PLCE1: variants seen among roughly 807,000 people sequenced by gnomAD.
PLCE1 encodes the protein phospholipase C epsilon 1, also known as 1-phosphatidylinositol 4,5-bisphosphate phosphodiesterase epsilon-1.
PLCE1 carries 119 observed loss-of-function variants against 242.8 expected under a neutral mutation model. The ratio of observed to expected loss-of-function variants is 0.49; its 90% CI spans 0.42 to 0.57. The LOEUF is 0.57. Ranked by LOEUF, PLCE1 falls within the 20% of genes least tolerant of loss-of-function variation. The pLI, the probability that PLCE1 is intolerant of heterozygous loss-of-function variation, is 0.00. For synonymous variants in PLCE1, 945 were observed against 1,017.4 expected (o/e 0.93, Z 1.35); for missense variants, 2,441 against 2,788.8 (o/e 0.88, Z 2.81).
At chr10:94,054,812 A>G (rs12356494) in intron 2 of PLCE1, among the ~76,000 whole-genome samples, 57,396 of 151,808 alleles carry the variant, frequency 0.38, 13,104 homozygotes, top group African/African-American at 0.65. Context: ...GGAGATCGAG[A>G]CCATCCTGGC....
At chr10:94,253,553 C>T (rs1426504748) in intron 9 of PLCE1, among the ~76,000 whole-genome samples, 1 of 152,098 alleles carries the variant, frequency 6.6e-6, no homozygotes, top group Non-Finnish European at 1.5e-5. Flanking sequence ...CAGGGTCTCA[C>T]TATGTTGCCC....
At chr10:94,076,829 C>T (rs759989054) in intron 2 of PLCE1, among the ~76,000 whole-genome samples, 11 of 149,448 alleles carry the variant, frequency 7.4e-5, no homozygotes, top group Non-Finnish European at 4.4e-5. Flanking sequence ...CCTGACCACA[C>T]ATCCTTTTAC....
intron 2 of PLCE1, among the ~76,000 whole-genome samples, chr10:94,077,673 C>T (rs949684036): frequency 5.3e-5 from 8 of 152,118 alleles, no homozygotes; most frequent in Middle Eastern, 3.4e-3. Context: ...GAGGCTGAGG[C>T]GGGAGGATCA....
chr10:94,287,464 A>G (rs2052492747), intron 22 of PLCE1: 1 of 142,812 alleles, frequency 7.0e-6, no homozygotes, highest in African/African-American at 2.7e-5. Flanking sequence ...TACAAGCCAT[A>G]TGCAAAAAAA....
At chr10:94,014,896 T>G (rs957645245) in intron 1 of PLCE1, among the ~76,000 whole-genome samples, 4 of 152,226 alleles carry the variant, frequency 2.6e-5, no homozygotes, top group Non-Finnish European at 4.4e-5. Flanking sequence ...CCCACCATGA[T>G]TCTGATGCTG....
At chr10:94,247,783 C>G (rs1215262933) in intron 8 of PLCE1, among the ~76,000 whole-genome samples, 1 of 152,118 alleles carries the variant, frequency 6.6e-6, no homozygotes, top group South Asian at 2.1e-4. Context: ...TACTCTAACA[C>G]TATAGTTTAG....
At chr10:94,235,685 T>A in intron 6 of PLCE1, 1 of 974,448 alleles carries the variant, frequency 1.0e-6, no homozygotes. Flanking sequence ...AAATTTGAAG[T>A]GGAGTGTCGA....
At chr10:94,007,506 C>T (rs1364213555) in intron 1 of PLCE1, among the ~76,000 whole-genome samples, 2 of 151,682 alleles carry the variant, frequency 1.3e-5, no homozygotes, top group African/African-American at 4.8e-5. Flanking sequence ...AAAGAATCTC[C>T]TAACAATTTC....
At chr10:94,127,503 C>T (rs2046469256) in intron 2 of PLCE1, among the ~76,000 whole-genome samples, 1 of 152,132 alleles carries the variant, frequency 6.6e-6, no homozygotes, top group Admixed American at 6.5e-5. Flanking sequence ...AGAGCAATCT[C>T]CAATGTACAG....
intron 19 of PLCE1, among the ~76,000 whole-genome samples, chr10:94,274,316 G>T (rs965573802): frequency 5.3e-5 from 8 of 152,166 alleles, no homozygotes; most frequent in Non-Finnish European, 1.2e-4. Context: ...AAAACTATTT[G>T]TCCTACTTAG....
chr10:94,266,307 A>G (rs1317118095), intron 16 of PLCE1, among the ~76,000 whole-genome samples: 1 of 152,208 alleles, frequency 6.6e-6, no homozygotes, highest in South Asian at 2.1e-4. Context: ...TCTAACTGCT[A>G]AATAATATAT....
At chr10:94,047,565 C>T (rs1430623728) in intron 2 of PLCE1, among the ~76,000 whole-genome samples, 1 of 152,154 alleles carries the variant, frequency 6.6e-6, no homozygotes, top group Non-Finnish European at 1.5e-5. Context: ...GTTTTCAAAG[C>T]ATCTATTTTG....
At chr10:94,256,971 A>G (rs1460828408) in intron 11 of PLCE1, among the ~76,000 whole-genome samples, 1 of 152,234 alleles carries the variant, frequency 6.6e-6, no homozygotes, top group Non-Finnish European at 1.5e-5. Flanking sequence ...GCAACCAGAA[A>G]GAAGCAAGAC....
intron 3 of PLCE1, among the ~76,000 whole-genome samples, chr10:94,152,590 T>C (rs191231463): frequency 3.3e-5 from 5 of 152,340 alleles, no homozygotes; most frequent in Admixed American, 2.0e-4. Context: ...CTGTGAATAT[T>C]TGGACAAGTT....
intron 4 of PLCE1, among the ~76,000 whole-genome samples, chr10:94,216,602 G>A (rs1001412775): frequency 6.6e-6 from 1 of 152,150 alleles, no homozygotes; most frequent in Non-Finnish European, 1.5e-5. Flanking sequence ...ATACCTAGCT[G>A]TCTGGGTGAG....
At chr10:94,148,284 T>C (rs2136085427) in intron 3 of PLCE1, among the ~76,000 whole-genome samples, 1 of 152,090 alleles carries the variant, frequency 6.6e-6, no homozygotes, top group Non-Finnish European at 1.5e-5. Flanking sequence ...TGTCTCAGGA[T>C]GGGGGCTGGA....
intron 2 of PLCE1, among the ~76,000 whole-genome samples, chr10:94,095,460 G>A (rs1266933924): frequency 6.6e-6 from 1 of 152,084 alleles, no homozygotes; most frequent in African/African-American, 2.4e-5. Flanking sequence ...AGGTTCAAGC[G>A]ATCCTCTCAC....
chr10:94,237,369 T>C (rs1307888856), intron 7 of PLCE1, among the ~76,000 whole-genome samples: 1 of 152,246 alleles, frequency 6.6e-6, no homozygotes, highest in Non-Finnish European at 1.5e-5. Context: ...GTCAGACCCC[T>C]AGACTATCCT....
intron 1 of PLCE1, among the ~76,000 whole-genome samples, chr10:94,008,191 C>CAAA (rs745999207): frequency 8.9e-4 from 49 of 55,056 alleles, no homozygotes; most frequent in South Asian, 2.5e-3. Context: ...GACCTTGTCT[C>CAAA]AAAAAAAAAA....
Sources: gnomAD v4.1 joint callset for allele counts (sites outside exome capture counted in the v4.1 genomes callset) on GRCh38, gnomAD v4.1.1 for gene constraint, MANE v1.5 for transcripts, NCBI Gene and HGNC (gene_info 2026-07-23, HGNC 2026-07-21) for gene names.